OSBPL8: variants seen among roughly 807,000 people sequenced by gnomAD.
OSBPL8 encodes oxysterol binding protein like 8, also known as oxysterol-binding protein-related protein 8.
A neutral mutation model predicts 125.5 loss-of-function variants in OSBPL8; 59 were observed. The observed-to-expected ratio is 0.47, with a 90% CI of 0.38 to 0.58. The LOEUF is 0.58. Ranked by LOEUF, OSBPL8 falls within the 20% of genes least tolerant of loss-of-function variation. The probability of loss-of-function intolerance (pLI) is 0.00; values close to 1 mark genes in which losing one functional copy is unlikely to be tolerated. For synonymous variants in OSBPL8, 330 were observed against 338.9 expected, an observed-to-expected ratio of 0.97 and a Z score of 0.29; for missense variants, 758 against 1,047.8, an observed-to-expected ratio of 0.72 and a Z score of 3.82.
intron 5 of OSBPL8, among the ~76,000 whole-genome samples, chr12:76,407,360 C>T (rs976501531): frequency 6.6e-6 from 1 of 152,210 alleles, no homozygotes; most frequent in African/African-American, 2.4e-5. Flanking sequence ...TCAAGCATCT[C>T]CTGCCTTAGC....
intron 4 of OSBPL8, among the ~76,000 whole-genome samples, chr12:76,447,988 T>C (rs575731413): frequency 3.5e-4 from 53 of 152,306 alleles, no homozygotes; most frequent in African/African-American, 1.2e-3. Context: ...GTAGAAAGAT[T>C]TGGGGAAAAC....
At chr12:76,420,415 T>C (rs1869318847) in intron 4 of OSBPL8, among the ~76,000 whole-genome samples, 1 of 152,058 alleles carries the variant, frequency 6.6e-6, no homozygotes, top group Admixed American at 6.6e-5. Flanking sequence ...GATCAAGAGA[T>C]AGATAATCAG....
Position 76,526,396 on chromosome 12 carries a change from C to T in OSBPL8, c.-68+33001G>A, listed in dbSNP as rs574754217. On this transcript the variant is annotated intron_variant, in intron 1 of 23. Coordinates refer to ENST00000261183, the MANE Select transcript of OSBPL8 (RefSeq NM_020841.5). ...CGCCAGTTATGAATTTAATGATTTTCCCCCATATCAACATTTCTCAGTAGT... is the reference window on the plus strand; with the variant it reads ...CGCCAGTTATGAATTTAATGATTTTTCCCCATATCAACATTTCTCAGTAGT... Among the ~76,000 whole-genome samples, 4 of 152,120 alleles carry T rather than the reference C, an allele frequency of 2.6e-5. No individual in the cohort carries two copies. In the South Asian group the frequency reaches 8.3e-4, roughly 32 times the overall value.
At chr12:76,478,597 C>T (rs1003610422) in intron 2 of OSBPL8, among the ~76,000 whole-genome samples, 1 of 151,054 alleles carries the variant, frequency 6.6e-6, no homozygotes, top group Admixed American at 6.6e-5. Flanking sequence ...TTACATTACT[C>T]AAGCCTCTAA....
Position 76,397,888 on chromosome 12 carries a change from T to C in OSBPL8, c.478A>G (p.Thr160Ala). The change falls in exon 8 of 24, where the codon ACT becomes GCT. Residue 160 changes from threonine (T) to alanine (A), a missense_variant. Thr to Ala is a moderately conservative substitution (Grantham distance 58, BLOSUM62 0). Transcript: ENST00000261183. ...CATAACTTGGTCCAGCTCTTTAGAG[T>C]ACCACGAATCTACAGAAAGATAAAT... The part of the protein sequence containing the change: ...VMADWLKIRG[T>A]LKSWTKLWCV... The C allele has an allele frequency of 6.2e-7, 1 of 1,613,418 alleles. No homozygotes were observed. Among genetic ancestry groups the C allele is most frequent in the Non-Finnish European group, 8.5e-7 (1 of 1,179,740 alleles).
chr12:76,521,127 A>G (rs1882025927), intron 1 of OSBPL8, among the ~76,000 whole-genome samples: 2 of 152,234 alleles, frequency 1.3e-5, no homozygotes, highest in South Asian at 4.1e-4. Context: ...TCTTACACCC[A>G]CTAACTCACC....
chr12:76,473,474 C>CCAT (rs1876421623), intron 2 of OSBPL8, among the ~76,000 whole-genome samples: 1 of 152,040 alleles, frequency 6.6e-6, no homozygotes, highest in Non-Finnish European at 1.5e-5. Context: ...TGGTTTTCAA[C>CCAT]CTTAGATGCA....
At chr12:76,421,820 A>G (rs1869518459) in intron 4 of OSBPL8, among the ~76,000 whole-genome samples, 1 of 152,068 alleles carries the variant, frequency 6.6e-6, no homozygotes, top group South Asian at 2.1e-4. Flanking sequence ...ATAAAAGATC[A>G]ATTTATGTCT....
intron 23 of OSBPL8, 141 bp from the exon 24 acceptor site, chr12:76,356,162 T>TGGGGGGGTATGGGGGGGGTAGGGGGGGG (rs1951977503): frequency 7.6e-6 from 1 of 131,834 alleles, no homozygotes; most frequent in African/African-American, 3.4e-5. Flanking sequence ...TATGTAGGGG[T>TGGGGGGGTATGGGGGGGGTAGGGGGGGG]GGGGGGGGGC....
rs1350441771 is a variant in OSBPL8 at position 76,559,658 on chromosome 12, T to A, written c.-329A>T. ...CGGGCGGACCCCCACCTTCCCTCAG[T>A]CGGCTTGCTACCGGCAGCGGCTACT... is the stretch of plus-strand genomic sequence containing the variant. On this transcript the variant is annotated 5_prime_UTR_variant, in exon 1 of 24. Transcript: ENST00000261183. The A allele has an allele frequency of 6.6e-6, 1 of 152,178 alleles. No homozygotes were observed. The highest frequency in any genetic ancestry group is 1.5e-5 in the Non-Finnish European group (1 of 68,052). 9.4% of individuals were successfully genotyped at this position (152,178 alleles called of 1,614,324 possible). A position where few individuals can be genotyped will look rare whatever the true frequency, so the allele number is the denominator to read the frequency against.
chr12:76,534,188 T>C (rs1228219422), intron 1 of OSBPL8: 7 of 152,180 alleles, frequency 4.6e-5, no homozygotes, highest in Admixed American at 4.6e-4. Flanking sequence ...ATTCAACATG[T>C]TCCCAATTAA....
chr12:76,385,031 A>T lies in OSBPL8; in HGVS notation c.1534-681T>A, dbSNP rs150255567. Among the ~76,000 whole-genome samples the T allele has an allele frequency of 4.6e-5, 7 of 152,336 alleles. No homozygotes were observed. The East Asian group carries it at 1.3e-3, about 29-fold the overall frequency. ...GGATTACTGAATGACTATAGGAAAC[A>T]AAAACAAAAAACATGTTATTTAATA... On this transcript the variant is annotated intron_variant, in intron 14 of 23. Coordinates refer to ENST00000261183, the MANE Select transcript of OSBPL8 (RefSeq NM_020841.5).
intron 1 of OSBPL8, among the ~76,000 whole-genome samples, chr12:76,502,951 T>C (rs1238530652): frequency 1.3e-5 from 2 of 152,242 alleles, no homozygotes; most frequent in Non-Finnish European, 2.9e-5. Context: ...ATATAAGATA[T>C]AATGACTTTA....
At position 76,556,864 on chromosome 12, in the gene OSBPL8, C is replaced by A. The variant is rs1951119156; in HGVS notation, c.-68+2533G>T. Among the ~76,000 whole-genome samples, 5 of 152,268 alleles carry A rather than the reference C, an allele frequency of 3.3e-5. No homozygotes were observed. The South Asian group carries it at 8.3e-4, about 25-fold the overall frequency. On this transcript the variant is annotated intron_variant, in intron 1 of 23. Coordinates refer to ENST00000261183, the MANE Select transcript of OSBPL8 (RefSeq NM_020841.5). ...TATTTTTAGTAGAGACGGGGTTTCA[C>A]CATGTTGGCCAGGCGGGTCTTGAAC...
chr12:76,356,162 T>TGGGGGGGGGGGGGGAGGGGGG, intron 23 of OSBPL8, 141 bp from the exon 24 acceptor site: 1 of 131,834 alleles, frequency 7.6e-6, no homozygotes, highest in Admixed American at 8.8e-5. Flanking sequence ...TATGTAGGGG[T>TGGGGGGGGGGGGGGAGGGGGG]GGGGGGGGGC....
intron 1 of OSBPL8, among the ~76,000 whole-genome samples, chr12:76,556,737 C>A (rs377196570): frequency 6.6e-6 from 1 of 152,158 alleles, no homozygotes; most frequent in Non-Finnish European, 1.5e-5. Flanking sequence ...GATCTTGGCT[C>A]GTTGCAATCT....
chr12:76,497,414 C>T (rs369291985), intron 1 of OSBPL8, among the ~76,000 whole-genome samples: 3 of 152,096 alleles, frequency 2.0e-5, no homozygotes, highest in East Asian at 3.9e-4. Flanking sequence ...GTTAACATCG[C>T]GTGTAAATAG....
At chr12:76,532,108 T>A (rs1485451139) in intron 1 of OSBPL8, among the ~76,000 whole-genome samples, 1 of 151,682 alleles carries the variant, frequency 6.6e-6, no homozygotes, top group Non-Finnish European at 1.5e-5. Flanking sequence ...AAAATTTTTC[T>A]TTTCTAAACA....
At chr12:76,524,348 T>C (rs1235031728) in intron 1 of OSBPL8, among the ~76,000 whole-genome samples, 1 of 152,218 alleles carries the variant, frequency 6.6e-6, no homozygotes, top group Non-Finnish European at 1.5e-5. Flanking sequence ...TAATTTCAAC[T>C]CTGCTGGCCT....
Sources: allele counts gnomAD v4.1 joint callset (sites outside exome capture counted in the v4.1 genomes callset), GRCh38; gene constraint gnomAD v4.1.1; transcripts MANE v1.5; gene names NCBI Gene and HGNC (gene_info 2026-07-23, HGNC 2026-07-21).